Variants in EDC4 observed in about 807,000 individuals in gnomAD.
EDC4 encodes enhancer of mRNA-decapping protein 4.
In EDC4, 64 loss-of-function variants were observed where a neutral mutation model predicts 155.8. The observed-to-expected ratio is 0.41, with a 90% CI of 0.34 to 0.51. EDC4 has a LOEUF of 0.51. Among genes scored for constraint, EDC4 ranks in the 20% least tolerant of loss-of-function variants. EDC4 has a pLI of 0.19. For synonymous variants in EDC4, 684 were observed against 716.8 expected (o/e 0.95, Z 0.73); for missense variants, 1,303 against 1,812.5 (o/e 0.72, Z 5.10).
chr16:67,882,024 A>G lies in EDC4; in HGVS notation c.3075A>G (p.Gln1025=). ...GGCAGCTGCAGGAGCAGCTGACACA[A>G]CAGTTGTCCCAAGCACTGTCGTCAG... ...RGGQLQEQLT[Q]QLSQALSSAV... is the part of the protein sequence containing the mutation. Residue 1025 remains glutamine, a synonymous_variant, in exon 23 of 29, where the codon CAA becomes CAG. Transcript: ENST00000358933. This position sits in a 1 kb window ranked among gnomAD's most constrained non-coding sequence, Gnocchi z 7.2. 1 of 1,612,370 alleles carries G rather than the reference A, an allele frequency of 6.2e-7. No homozygotes were observed. The highest frequency in any genetic ancestry group is 8.5e-7 in the Non-Finnish European group (1 of 1,179,498).
rs761948008 is a variant in EDC4, at chr16:67,879,810, C to A, written c.1821+36C>A. ...AGGGTAGGGGGACCTGGGAATGCCT[C>A]AGCCACAGGCCACAGGTCTTATTTC... On this transcript the variant is annotated intron_variant, in intron 15 of 28. Coordinates refer to ENST00000358933, the MANE Select transcript of EDC4 (RefSeq NM_014329.5). The surrounding 1 kb of genome is among the most constrained non-coding windows in gnomAD (Gnocchi z 6.0). 6.2e-7 allele frequency: 1 copy of A among 1,613,218 alleles called. No homozygotes were observed. The highest frequency in any genetic ancestry group is 8.5e-7 in the Non-Finnish European group (1 of 1,179,392).
intron 1 of EDC4, among the ~76,000 whole-genome samples, chr16:67,875,524 C>CT (rs1231629860): frequency 2.0e-5 from 3 of 152,198 alleles, no homozygotes; most frequent in Non-Finnish European, 2.9e-5. Context: ...CAGGGAGAGT[C>CT]TAAGTGCCAC....
rs1214587822 is a variant in EDC4 at position 67,883,212 on chromosome 16, T to G, written c.3849+35T>G. The G allele has an allele frequency of 3.9e-6, 6 of 1,525,450 alleles. No individual in the cohort carries two copies. In the East Asian group the frequency reaches 1.5e-4, roughly 37 times the overall value. The allele number at this position is 1,525,450 out of a possible 1,614,324, so 94.5% of individuals were successfully genotyped here. On this transcript the variant is annotated intron_variant, in intron 27 of 28. Transcript: ENST00000358933. The surrounding 1 kb of genome is among the most constrained non-coding windows in gnomAD (Gnocchi z 5.3). ...GCATTAGGCCCTGCTAAGGGTCACG[T>G]GTCTCTTGACAAGGCCCACATACCA...
In EDC4 at chr16:67,883,044, C is replaced by T; in HGVS notation, c.3716C>T (p.Thr1239Ile). ...VALKEQQAAV[T>I]SSIMQAMRSA... ...CTCAAGGAGCAGCAGGCCGCCGTCA[C>T]CTCCAGCATCATGCAGGCCATGCGC... Residue 1239 changes from threonine (T) to isoleucine (I), a missense_variant, in exon 27 of 29, where the codon ACC (threonine) becomes ATC (isoleucine). Around this residue, in one of 5 missense-constraint regions of EDC4, gnomAD observed 527 missense variants for 757.0 expected, o/e 0.70. Transcript: ENST00000358933. This position sits in a 1 kb window ranked among gnomAD's most constrained non-coding sequence, Gnocchi z 5.3. 6.2e-7 allele frequency: 1 copy of T among 1,613,836 alleles called. No homozygotes were observed.
In EDC4 at chr16:67,880,330, TC is replaced by T; in HGVS notation, c.2097+116del. On this transcript the variant is annotated intron_variant, in intron 17 of 28. Coordinates refer to ENST00000358933, the MANE Select transcript of EDC4 (RefSeq NM_014329.5). This position sits in a 1 kb window ranked among gnomAD's most constrained non-coding sequence, Gnocchi z 5.2. ...GCTGATCCTGCTCTACCCGACATGG[TC>T]CGTGTTTCCCTGAGGTCATTTCACC... 1.4e-6 allele frequency: 2 copies of T among 1,462,264 alleles called. No homozygotes were observed. Among genetic ancestry groups the T allele is most frequent in the East Asian group, 2.3e-5 (1 of 43,492 alleles). 90.6% of individuals were successfully genotyped at this position (1,462,264 alleles called of 1,614,324 possible).
At position 67,880,359 on chromosome 16, in the gene EDC4, C is replaced by T; in HGVS notation, c.2097+143C>T. 7.2e-7 allele frequency: 1 copy of T among 1,387,296 alleles called. No homozygotes were observed. The highest frequency in any genetic ancestry group is 2.3e-5 in the East Asian group (1 of 42,564). The allele number at this position is 1,387,296 out of a possible 1,614,324, so 85.9% of individuals were successfully genotyped here. On this transcript the variant is annotated intron_variant, in intron 17 of 28. Transcript: ENST00000358933. The surrounding 1 kb of genome is among the most constrained non-coding windows in gnomAD (Gnocchi z 5.2). ...TGTTTCCCTGAGGTCATTTCACCCT[C>T]CTGTGTTTCCTGGTGGGTGTCTCCT...
chr16:67,883,743 C>G lies in EDC4; in HGVS notation c.4013+12C>G. On this transcript the variant is annotated intron_variant, in intron 28 of 28. Transcript: ENST00000358933. This position sits in a 1 kb window ranked among gnomAD's most constrained non-coding sequence, Gnocchi z 5.3. ...GACCTCAAGCTCAGGTAAGTGGGGA[C>G]AGCCAGGGATGGGGAGATGAGCTGG... 6.2e-7 allele frequency: 1 copy of G among 1,613,708 alleles called. No homozygotes were observed. The highest frequency in any genetic ancestry group is 8.5e-7 in the Non-Finnish European group (1 of 1,179,822).
At position 67,877,877 on chromosome 16, in the gene EDC4, T is replaced by G; in HGVS notation, c.894+32T>G. The G allele has an allele frequency of 6.2e-7, 1 of 1,612,160 alleles. No individual in the cohort carries two copies. The highest frequency in any genetic ancestry group is 1.1e-5 in the South Asian group (1 of 90,908). On this transcript the variant is annotated intron_variant, in intron 7 of 28. Coordinates refer to ENST00000358933, the MANE Select transcript of EDC4 (RefSeq NM_014329.5). This position sits in a 1 kb window ranked among gnomAD's most constrained non-coding sequence, Gnocchi z 4.9. ...CTGTGACTGCCTGCCTCCCCTGCCC[T>G]CCCCACTTCCTCATATCCATCTTCT...
Position 67,879,716 on chromosome 16 carries a change from C to T in EDC4, c.1763C>T (p.Thr588Ile), listed in dbSNP as rs2058056811. Residue 588 changes from threonine (T) to isoleucine (I), a missense_variant, in exon 15 of 29, where the codon ACC becomes ATC. This residue lies in a region of EDC4 where 391 missense variants were observed against 445.4 expected (regional missense o/e 0.88). Transcript: ENST00000358933. This position sits in a 1 kb window ranked among gnomAD's most constrained non-coding sequence, Gnocchi z 6.0. The part of the protein sequence containing the change: ...PADFLSLSSE[T>I]KPKLMTPDAF... ...GACTTCCTCAGTCTGAGCAGTGAGA[C>T]CAAGCCCAAGTTGATGACACCTGAC... 1 of 1,614,036 alleles carries T rather than the reference C, an allele frequency of 6.2e-7. No homozygotes were observed. Among genetic ancestry groups the T allele is most frequent in the South Asian group, 1.1e-5 (1 of 91,088 alleles).
In EDC4 at chr16:67,878,110, C is replaced by T. The variant is rs2058049469; in HGVS notation, c.895-56C>T. 2 of 1,608,852 alleles carry T rather than the reference C, an allele frequency of 1.2e-6. No homozygotes were observed. The highest frequency in any genetic ancestry group is 1.7e-5 in the Admixed American group (1 of 59,364). ...TCAGCCCAGCTCATTGCCATCCTCA[C>T]TTGGGAGGGGCTTGTTCTCACCTCT... On this transcript the variant is annotated intron_variant, in intron 7 of 28. Coordinates refer to ENST00000358933, the MANE Select transcript of EDC4 (RefSeq NM_014329.5). This position sits in a 1 kb window ranked among gnomAD's most constrained non-coding sequence, Gnocchi z 5.2.
rs750996360 is a variant in EDC4 at position 67,878,223 on chromosome 16, G to C, written c.952G>C (p.Asp318His). Residue 318 changes from aspartate (D) to histidine (H), a missense_variant, in exon 8 of 29, where the codon GAT (aspartate) becomes CAT (histidine). This residue lies in a region of EDC4 where 235 missense variants were observed against 367.7 expected (regional missense o/e 0.64). Coordinates refer to ENST00000358933, the MANE Select transcript of EDC4 (RefSeq NM_014329.5). The surrounding 1 kb of genome is among the most constrained non-coding windows in gnomAD (Gnocchi z 5.2). ...GACTGTGCTGGCTACTGCGAGCCACGATGGCTATGTCAAGTTCTGGCAGAT... is the reference window on the plus strand; with the variant it reads ...GACTGTGCTGGCTACTGCGAGCCACCATGGCTATGTCAAGTTCTGGCAGAT... ...DGTVLATASH[D>H]GYVKFWQIYI... The C allele has an allele frequency of 1.1e-5, 18 of 1,613,992 alleles. No individual in the cohort carries two copies. Among genetic ancestry groups the C allele is most frequent in the Non-Finnish European group, 1.5e-5 (18 of 1,180,042 alleles).
rs1459242586 is a variant in EDC4, at chr16:67,883,972, G to C, written c.4030G>C (p.Val1344Leu). ...DLKLSYLEEAVMHLDHSDPIT... is the reference protein window; with the variant it reads ...DLKLSYLEEALMHLDHSDPIT... ...CATCCCCAGCTACCTGGAAGAGGCC[G>C]TGATGCACCTGGACCACAGTGACCC... Residue 1344 changes from valine (V) to leucine (L), a missense_variant, in exon 29 of 29, where the codon GTG becomes CTG. Val to Leu is a conservative substitution (Grantham distance 32). This residue lies in a region of EDC4 where 527 missense variants were observed against 757.0 expected (regional missense o/e 0.70). Coordinates refer to ENST00000358933, the MANE Select transcript of EDC4 (RefSeq NM_014329.5). This position sits in a 1 kb window ranked among gnomAD's most constrained non-coding sequence, Gnocchi z 5.3. 6.2e-7 allele frequency: 1 copy of C among 1,602,264 alleles called. No individual in the cohort carries two copies. The highest frequency in any genetic ancestry group is 8.5e-7 in the Non-Finnish European group (1 of 1,171,518).
Position 67,877,465 on chromosome 16 carries a change from C to T in EDC4, c.642-44C>T. 1 of 1,611,718 alleles carries T rather than the reference C, an allele frequency of 6.2e-7. No homozygotes were observed. The highest frequency in any genetic ancestry group is 8.5e-7 in the Non-Finnish European group (1 of 1,178,308). ...AGAAGGGTGGGCGGAGCTGGGGTGT[C>T]ACGCCTCTTCATTCATCTATCTAGC... On this transcript the variant is annotated intron_variant, in intron 5 of 28. Transcript: ENST00000358933. This position sits in a 1 kb window ranked among gnomAD's most constrained non-coding sequence, Gnocchi z 4.9.
rs141305303 is a variant in EDC4 at position 67,883,623 on chromosome 16, C to G, written c.3905C>G (p.Pro1302Arg). The G allele has an allele frequency of 1.2e-6, 2 of 1,614,068 alleles. No homozygotes were observed. Among genetic ancestry groups the G allele is most frequent in the African/African-American group, 2.7e-5 (2 of 74,930 alleles). ...LVLYVCETVD[P>R]AQVFGQPPCP... The stretch of plus-strand genomic sequence containing the variant: ...CTGTATGTGTGTGAAACTGTGGACC[C>G]AGCCCAGGTTTTTGGGCAGCCACCC... Residue 1302 changes from proline (P) to arginine (R), a missense_variant, in exon 28 of 29, where the codon CCA (proline) becomes CGA (arginine). Pro to Arg is a moderately radical substitution (Grantham distance 103). Coordinates refer to ENST00000358933, the MANE Select transcript of EDC4 (RefSeq NM_014329.5). The surrounding 1 kb of genome is among the most constrained non-coding windows in gnomAD (Gnocchi z 5.3).
In EDC4 at chr16:67,882,330, G is replaced by A. The variant is rs1197823179; in HGVS notation, c.3276+3G>A. 4.3e-6 allele frequency: 7 copies of A among 1,613,712 alleles called. No homozygotes were observed. Among genetic ancestry groups the A allele is most frequent in the Non-Finnish European group, 5.9e-6 (7 of 1,179,868 alleles). ...TCTCCAAGCTGCTCAAGTCCAAGGTGCTATAGGGCCCAAGATGTGGGTGGA... is the reference window on the plus strand; with the variant it reads ...TCTCCAAGCTGCTCAAGTCCAAGGTACTATAGGGCCCAAGATGTGGGTGGA... On this transcript the variant is annotated splice_donor_region_variant and intron_variant, in intron 24 of 28. Transcript: ENST00000358933. This position sits in a 1 kb window ranked among gnomAD's most constrained non-coding sequence, Gnocchi z 7.2.
In EDC4 at chr16:67,881,763, T is replaced by A; in HGVS notation, c.2922T>A (p.Arg974=). The change falls in exon 22 of 29, where the codon CGT becomes CGA. Residue 974 remains arginine, a synonymous_variant. Coordinates refer to ENST00000358933, the MANE Select transcript of EDC4 (RefSeq NM_014329.5). This position sits in a 1 kb window ranked among gnomAD's most constrained non-coding sequence, Gnocchi z 5.4. ...LRHSQEELLQ[R]LCTQLEGLQS... Reference sequence around the variant, plus strand: ...ACAGCCAGGAAGAGCTGCTGCAGCGTCTGTGTACCCAACTCGAAGGCCTGC... The same window carrying A: ...ACAGCCAGGAAGAGCTGCTGCAGCGACTGTGTACCCAACTCGAAGGCCTGC... The A allele has an allele frequency of 6.2e-7, 1 of 1,614,096 alleles. No individual in the cohort carries two copies. The highest frequency in any genetic ancestry group is 8.5e-7 in the Non-Finnish European group (1 of 1,180,002).
chr16:67,877,925 C>A lies in EDC4; in HGVS notation c.894+80C>A. 2 of 1,572,710 alleles carry A rather than the reference C, an allele frequency of 1.3e-6. No homozygotes were observed. Among genetic ancestry groups the A allele is most frequent in the African/African-American group, 1.3e-5 (1 of 74,172 alleles). Reference sequence around the variant, plus strand: ...TCTGTTCCCTATATCCACAGCTGCCCGGGCAGCTTTACTAGCATTCTGCCC... The same window carrying A: ...TCTGTTCCCTATATCCACAGCTGCCAGGGCAGCTTTACTAGCATTCTGCCC... On this transcript the variant is annotated intron_variant, in intron 7 of 28. Transcript: ENST00000358933. The surrounding 1 kb of genome is among the most constrained non-coding windows in gnomAD (Gnocchi z 4.9).
Position 67,873,242 on chromosome 16 carries a change from G to C in EDC4, c.-20G>C, listed in dbSNP as rs2058027083. The C allele has an allele frequency of 2.2e-6, 3 of 1,386,956 alleles. No individual in the cohort carries two copies. Among genetic ancestry groups the C allele is most frequent in the Non-Finnish European group, 1.9e-6 (2 of 1,076,738 alleles). The allele number at this position is 1,386,956 out of a possible 1,614,324, so 85.9% of individuals were successfully genotyped here. A position where few individuals can be genotyped will look rare whatever the true frequency, so the allele number is the denominator to read the frequency against. Reference sequence around the variant, plus strand: ...CGGCGGAACGAACGCGGTGCGGGCGGGGCGCCCGCCGCAGGGCCCATGGCC... The same window carrying C: ...CGGCGGAACGAACGCGGTGCGGGCGCGGCGCCCGCCGCAGGGCCCATGGCC... On this transcript the variant is annotated 5_prime_UTR_variant, in exon 1 of 29. Coordinates refer to ENST00000358933, the MANE Select transcript of EDC4 (RefSeq NM_014329.5).
At position 67,882,522 on chromosome 16, in the gene EDC4, C is replaced by G. The variant is rs1476138435; in HGVS notation, c.3370C>G (p.Pro1124Ala). ...YREAFQSVVL[P>A]AFEKSCQAMF... ...GGAAGCCTTCCAGAGTGTGGTGCTG[C>G]CGGCCTTTGAGAAGAGCTGCCAGGC... The change falls in exon 25 of 29, where the codon CCG becomes GCG. Residue 1124 changes from proline (P) to alanine (A), a missense_variant. Physicochemically the swap from Pro to Ala is conservative, Grantham distance 27. This residue lies in a region of EDC4 where 527 missense variants were observed against 757.0 expected (regional missense o/e 0.70). Transcript: ENST00000358933. This position sits in a 1 kb window ranked among gnomAD's most constrained non-coding sequence, Gnocchi z 7.2. 6.2e-7 allele frequency: 1 copy of G among 1,614,120 alleles called. No homozygotes were observed. The highest frequency in any genetic ancestry group is 8.5e-7 in the Non-Finnish European group (1 of 1,180,056).
Sources: gnomAD v4.1 joint callset for allele counts (sites outside exome capture counted in the v4.1 genomes callset) on GRCh38, gnomAD v4.1.1 for gene constraint, gnomAD v4.1.1 regional missense constraint, Gnocchi (gnomAD v3.1) non-coding constraint, MANE v1.5 for transcripts, NCBI Gene and HGNC (gene_info 2026-07-23, HGNC 2026-07-21) for gene names.